Variants in PLRG1 observed in about 807,000 individuals in gnomAD.
PLRG1 encodes the protein pleiotropic regulator 1 (PRL1 homolog, Arabidopsis).
In PLRG1, 28 loss-of-function variants were observed where a neutral mutation model predicts 74.9. That is an observed-to-expected ratio of 0.37 (90% CI 0.28 to 0.51). The LOEUF is 0.51. Among genes scored for constraint, PLRG1 ranks in the 20% least tolerant of loss-of-function variants. The probability of loss-of-function intolerance (pLI) is 0.91; values close to 1 mark genes in which losing one functional copy is unlikely to be tolerated. For synonymous variants in PLRG1, 197 were observed against 212.4 expected (o/e 0.93, Z 0.63); for missense variants, 445 against 631.9 (o/e 0.70, Z 3.17).
At chr4:154,537,605 C>T in intron 13 of PLRG1, 126 bp from the exon 14 acceptor site, 1 of 603,870 alleles carries the variant, frequency 1.7e-6, no homozygotes, top group Non-Finnish European at 2.8e-6. Flanking sequence ...GACACAGGCA[C>T]TCCACCTTCT....
chr4:154,536,826 G>C, intron 14 of PLRG1, 82 bp from the exon 15 acceptor site: 1 of 752,624 alleles, frequency 1.3e-6, no homozygotes, highest in Non-Finnish European at 2.3e-6. Context: ...CAAAAATAAG[G>C]TATCTAACAT....
Position 154,535,821 on chromosome 4 carries a change from A to G in PLRG1, c.*864T>C, listed in dbSNP as rs539511939. The G allele has an allele frequency of 1.3e-5, 2 of 152,232 alleles. No homozygotes were observed. The highest frequency in any genetic ancestry group is 2.1e-4 in the South Asian group (1 of 4,826). The allele number at this position is 152,232 out of a possible 1,614,324, so 9.4% of individuals were successfully genotyped here. On this transcript the variant is annotated 3_prime_UTR_variant, in exon 15 of 15. Coordinates refer to ENST00000499023, the MANE Select transcript of PLRG1 (RefSeq NM_002669.4). ...ATTTTCCCCAAGTTTCAATACCAGT[A>G]TTGGTATCCTACTAGTTGAGGAATA...
At chr4:154,547,137 C>G in intron 3 of PLRG1, 73 bp from the exon 4 acceptor site, 1 of 1,069,684 alleles carries the variant, frequency 9.3e-7, no homozygotes, top group South Asian at 1.3e-5. Context: ...TTAAATGTAT[C>G]AAGTAATATT....
At position 154,536,648 on chromosome 4, in the gene PLRG1, A is replaced by G. The variant is rs1343749069; in HGVS notation, c.*37T>C. On this transcript the variant is annotated 3_prime_UTR_variant, in exon 15 of 15. Transcript: ENST00000499023. ...GCCAAGCTTTTTTTTTTTTAATTAAAAAGAAAAAAAAAGAGAGAGAAAAAA... is the reference window on the plus strand; with the variant it reads ...GCCAAGCTTTTTTTTTTTTAATTAAGAAGAAAAAAAAAGAGAGAGAAAAAA... The G allele has an allele frequency of 8.9e-7, 1 of 1,126,572 alleles. No homozygotes were observed. The highest frequency in any genetic ancestry group is 1.3e-6 in the Non-Finnish European group (1 of 762,816). 69.8% of individuals were successfully genotyped at this position (1,126,572 alleles called of 1,614,324 possible). A position where few individuals can be genotyped will look rare whatever the true frequency, so the allele number is the denominator to read the frequency against.
rs183658594 is a variant in PLRG1, at chr4:154,539,246, T to C, written c.1043-33A>G. 1,057 of 1,207,416 alleles carry C rather than the reference T, an allele frequency of 8.8e-4. 9 individuals carry two copies. The highest frequency in any genetic ancestry group is 1.9e-4 in the Middle Eastern group (1 of 5,212). The allele number at this position is 1,207,416 out of a possible 1,614,324, so 74.8% of individuals were successfully genotyped here. ...GGAAACACATATATCCCTCAAAACA[T>C]AGACCAGGAAAAATAATGCAAAAGT... On this transcript the variant is annotated intron_variant, in intron 11 of 14. Transcript: ENST00000499023.
rs544395918 is a variant in PLRG1 at position 154,539,504 on chromosome 4, T to C, written c.1043-291A>G. Among the ~76,000 whole-genome samples the C allele has an allele frequency of 5.3e-5, 8 of 152,212 alleles. No homozygotes were observed. In the South Asian group the frequency reaches 1.5e-3, roughly 28 times the overall value. On this transcript the variant is annotated intron_variant, in intron 11 of 14. Coordinates refer to ENST00000499023, the MANE Select transcript of PLRG1 (RefSeq NM_002669.4). ...CCTAGTGAAAAGGAAAAAACTTCAA[T>C]GATTTTTTTAAGTTAATAAAATACA...
chr4:154,542,337 T>G, intron 7 of PLRG1, 58 bp from the exon 8 acceptor site: 1 of 1,035,780 alleles, frequency 9.7e-7, no homozygotes. Context: ...GTATTTAAGT[T>G]TAACTGCAGC....
chr4:154,541,300 T>C (rs910230211), intron 8 of PLRG1, among the ~76,000 whole-genome samples: 3 of 152,156 alleles, frequency 2.0e-5, no homozygotes, highest in Non-Finnish European at 4.4e-5. Context: ...AGAAATTTCA[T>C]ACAAAGTTTT....
In PLRG1 at chr4:154,545,872, C is replaced by G; in HGVS notation, c.456G>C (p.Gly152=). The change falls in exon 6 of 15, where the codon GGG becomes GGC. Residue 152 remains glycine (G), a synonymous_variant. Transcript: ENST00000499023. The stretch of plus-strand genomic sequence containing the variant: ...CTGTAGGCTGTGGACGGTCAGAAGC[C>G]CCAGGATGTCGGTATTCACTTCCAC... ...APSGSEYRHP[G]ASDRPQPTAM... The G allele has an allele frequency of 6.2e-7, 1 of 1,612,642 alleles. No homozygotes were observed. Among genetic ancestry groups the G allele is most frequent in the Non-Finnish European group, 8.5e-7 (1 of 1,178,916 alleles).
At chr4:154,547,589 C>A in intron 3 of PLRG1, 122 bp downstream of exon 3, 1 of 797,412 alleles carries the variant, frequency 1.3e-6, no homozygotes, top group South Asian at 1.6e-5. Flanking sequence ...AATACAGGTA[C>A]GGCCATTAAA....
At chr4:154,548,742 C>A (rs918034903) in intron 2 of PLRG1, 87 bp downstream of exon 2, 91 of 701,700 alleles carry the variant, frequency 1.3e-4, no homozygotes, top group Non-Finnish European at 2.3e-4. Context: ...ACTAGCTTAT[C>A]TTTAAAGGAC....
At chr4:154,540,757 T>C (rs747662896) in intron 9 of PLRG1, 28 bp downstream of exon 9, 1 of 1,611,092 alleles carries the variant, frequency 6.2e-7, no homozygotes, top group South Asian at 1.1e-5. Flanking sequence ...TAGTTCACAA[T>C]GTTTTAAATC....
intron 11 of PLRG1, among the ~76,000 whole-genome samples, chr4:154,539,594 T>C (rs1729519501): frequency 6.6e-6 from 1 of 152,070 alleles, no homozygotes; most frequent in Non-Finnish European, 1.5e-5. Flanking sequence ...TAGAGCAAAG[T>C]AAGATTCAAA....
intron 1 of PLRG1, 169 bp from the exon 2 acceptor site, chr4:154,549,104 G>A: frequency 1.7e-6 from 1 of 603,922 alleles, no homozygotes; most frequent in Non-Finnish European, 3.1e-6. Flanking sequence ...AGAGGAGGAA[G>A]CTCCTCTTTG....
intron 7 of PLRG1, 45 bp from the exon 8 acceptor site, chr4:154,542,324 A>C: frequency 1.6e-6 from 2 of 1,236,362 alleles, no homozygotes; most frequent in East Asian, 4.7e-5. Context: ...TAGAAGTTAA[A>C]ATGTATTTAA....
intron 7 of PLRG1, 115 bp downstream of exon 7, chr4:154,544,330 A>G (rs1729609017): frequency 3.0e-6 from 2 of 669,896 alleles, no homozygotes; most frequent in Non-Finnish European, 5.4e-6. Context: ...TCCACCTCAG[A>G]TCGCTCTACC....
intron 14 of PLRG1, 69 bp downstream of exon 14, chr4:154,537,217 A>T: frequency 2.2e-6 from 2 of 921,410 alleles, no homozygotes; most frequent in Admixed American, 2.4e-5. Context: ...CCTTCTGATA[A>T]TTAAATGAGA....
intron 1 of PLRG1, among the ~76,000 whole-genome samples, 172 bp downstream of exon 1, chr4:154,550,128 C>T (rs912895812): frequency 2.0e-5 from 3 of 152,244 alleles, no homozygotes; most frequent in Non-Finnish European, 4.4e-5. Flanking sequence ...TCTCATCCGG[C>T]TTCTACCCCT....
chr4:154,544,927 A>G (rs2111107566), intron 6 of PLRG1, among the ~76,000 whole-genome samples: 1 of 152,332 alleles, frequency 6.6e-6, no homozygotes, highest in Admixed American at 6.5e-5. Flanking sequence ...TATTAAAGTC[A>G]TTTTAAGTGT....
Sources: gnomAD v4.1 joint callset for allele counts (sites outside exome capture counted in the v4.1 genomes callset) on GRCh38, gnomAD v4.1.1 for gene constraint, MANE v1.5 for transcripts, NCBI Gene and HGNC (gene_info 2026-07-23, HGNC 2026-07-21) for gene names.